LRP1B: variants seen among roughly 807,000 people sequenced by gnomAD.
The protein encoded by LRP1B is LDL receptor related protein 1B, also known as low-density lipoprotein receptor-related protein 1B.
A neutral mutation model predicts 556.6 loss-of-function variants in LRP1B; 217 were observed. That is an observed-to-expected ratio of 0.39 (90% CI 0.35 to 0.44). The LOEUF (loss-of-function observed/expected upper bound fraction) is 0.44. LRP1B is among the 20% of genes least tolerant of loss of function. The probability of loss-of-function intolerance (pLI) is 1.00; values close to 1 mark genes in which losing one functional copy is unlikely to be tolerated. For synonymous variants in LRP1B, 2,047 were observed against 1,865.8 expected (o/e 1.10, Z -2.50); for missense variants, 5,053 against 5,620.8 (o/e 0.90, Z 3.23).
At chr2:140,548,812 C>A (rs1680440707) in intron 43 of LRP1B, among the ~76,000 whole-genome samples, 1 of 152,006 alleles carries the variant, frequency 6.6e-6, no homozygotes, top group African/African-American at 2.4e-5. Flanking sequence ...GTAATCCCAG[C>A]TACTCAGGAG....
chr2:140,958,128 A>G (rs1695928617), intron 18 of LRP1B, among the ~76,000 whole-genome samples: 1 of 151,550 alleles, frequency 6.6e-6, no homozygotes, highest in Non-Finnish European at 1.5e-5. Flanking sequence ...AAAAAATTAA[A>G]CTTACCAATA....
intron 18 of LRP1B, among the ~76,000 whole-genome samples, chr2:140,976,851 C>T (rs1192833072): frequency 6.6e-6 from 1 of 151,948 alleles, no homozygotes; most frequent in African/African-American, 2.4e-5. Flanking sequence ...TAGGTAATTT[C>T]CAAAGTTGAA....
intron 32 of LRP1B, 95 bp downstream of exon 32, chr2:140,813,562 A>T (rs1024333682): frequency 9.8e-7 from 1 of 1,016,780 alleles, no homozygotes; most frequent in Non-Finnish European, 1.5e-6. Flanking sequence ...TTCTGGTGTT[A>T]GTGGAGCAGT....
At chr2:142,058,658 C>T (rs1450723474) in intron 1 of LRP1B, among the ~76,000 whole-genome samples, 1 of 151,978 alleles carries the variant, frequency 6.6e-6, no homozygotes, top group African/African-American at 2.4e-5. Flanking sequence ...GATTGGACAC[C>T]CCTGCTTTAG....
intron 86 of LRP1B, among the ~76,000 whole-genome samples, chr2:140,253,415 A>T (rs1383683003): frequency 2.6e-5 from 4 of 152,114 alleles, no homozygotes; most frequent in Non-Finnish European, 4.4e-5. Context: ...TAAAATTAAT[A>T]AAATGGATTA....
At chr2:141,983,852 G>A (rs933724004) in intron 1 of LRP1B, among the ~76,000 whole-genome samples, 1 of 152,176 alleles carries the variant, frequency 6.6e-6, no homozygotes, top group African/African-American at 2.4e-5. Context: ...CCTGAGGTCA[G>A]GAGTTCGACA....
Position 141,321,402 on chromosome 2 carries a change from A to G in LRP1B, c.344-66761T>C, listed in dbSNP as rs563110186. ...ATTTTATAGTTTTGAATTTTGCTAT[A>G]CTGACTTAATGGTCATACTCCATAA... On this transcript the variant is annotated intron_variant, in intron 3 of 90. Coordinates refer to ENST00000389484, the MANE Select transcript of LRP1B (RefSeq NM_018557.3). 5.3e-5 allele frequency among the ~76,000 whole-genome samples: 8 copies of G among 152,252 alleles called. No homozygotes were observed. In the East Asian group the frequency reaches 1.5e-3, roughly 29 times the overall value.
At chr2:141,232,185 C>G (rs920561833) in intron 5 of LRP1B, among the ~76,000 whole-genome samples, 3 of 152,162 alleles carry the variant, frequency 2.0e-5, no homozygotes, top group Non-Finnish European at 4.4e-5. Context: ...TTAGTCTCCC[C>G]TCTACTCCTA....
intron 85 of LRP1B, among the ~76,000 whole-genome samples, chr2:140,273,816 A>G (rs1385746999): frequency 3.3e-5 from 5 of 151,990 alleles, no homozygotes; most frequent in African/African-American, 9.7e-5. Context: ...TTTAGCCGCA[A>G]TGTTCTGTTT....
At chr2:140,572,868 T>G (rs568214337) in intron 43 of LRP1B, among the ~76,000 whole-genome samples, 1 of 148,642 alleles carries the variant, frequency 6.7e-6, no homozygotes, top group South Asian at 2.2e-4. Context: ...AACATGGAAG[T>G]TTGTAGGACA....
intron 7 of LRP1B, among the ~76,000 whole-genome samples, chr2:141,177,969 G>A (rs1680811018): frequency 6.6e-6 from 1 of 152,046 alleles, no homozygotes. Context: ...GGAGTGAAGT[G>A]CAAAGAAACA....
At chr2:141,619,214 T>C (rs922509233) in intron 2 of LRP1B, among the ~76,000 whole-genome samples, 2 of 152,336 alleles carry the variant, frequency 1.3e-5, no homozygotes, top group East Asian at 1.9e-4. Flanking sequence ...GGGCCTGATC[T>C]TGAGTAGGCA....
intron 1 of LRP1B, among the ~76,000 whole-genome samples, chr2:142,117,282 C>T (rs1202628511): frequency 6.6e-6 from 1 of 152,132 alleles, no homozygotes; most frequent in African/African-American, 2.4e-5. Flanking sequence ...CATCCACGTT[C>T]TCTCCCCCGA....
intron 20 of LRP1B, among the ~76,000 whole-genome samples, chr2:140,936,995 T>C (rs1695247996): frequency 6.6e-6 from 1 of 152,156 alleles, no homozygotes; most frequent in African/African-American, 2.4e-5. Flanking sequence ...AGCAGAGTTT[T>C]TGTAAGTTAT....
chr2:141,443,340 A>G (rs1296567183), intron 3 of LRP1B, among the ~76,000 whole-genome samples: 1 of 152,172 alleles, frequency 6.6e-6, no homozygotes, highest in Non-Finnish European at 1.5e-5. Context: ...GCACTTTGTC[A>G]GATGGATAGG....
At chr2:141,484,177 A>T (rs1256000416) in intron 2 of LRP1B, among the ~76,000 whole-genome samples, 1 of 147,764 alleles carries the variant, frequency 6.8e-6, no homozygotes, top group African/African-American at 2.5e-5. Context: ...AGCTTTCTAC[A>T]TATGGCTAGC....
intron 2 of LRP1B, among the ~76,000 whole-genome samples, chr2:141,647,481 T>C (rs555341121): frequency 6.6e-6 from 1 of 152,184 alleles, no homozygotes; most frequent in African/African-American, 2.4e-5. Flanking sequence ...TGAATTTGTT[T>C]ACAAACTTCA....
rs757579571 is a variant in LRP1B, at chr2:140,776,205, G to A, written c.5393C>T (p.Ala1798Val). ...KKLWWADQNLAQLGTCSKRDG... is the reference protein window; with the variant it reads ...KKLWWADQNLVQLGTCSKRDG... ...TCTTTTGCTGCAGGTTCCTAGCTGG[G>A]CTAAGTTTTGGTCTGCCCACCACAG... Residue 1798 changes from alanine to valine, a missense_variant, in exon 33 of 91, where the codon GCC becomes GTC. By Grantham distance (64) the Ala-to-Val change is moderately conservative. Coordinates refer to ENST00000389484, the MANE Select transcript of LRP1B (RefSeq NM_018557.3). The A allele has an allele frequency of 6.2e-7, 1 of 1,602,312 alleles. No individual in the cohort carries two copies. The highest frequency in any genetic ancestry group is 1.7e-5 in the Admixed American group (1 of 58,346).
chr2:140,566,106 G>A (rs900355097), intron 43 of LRP1B, among the ~76,000 whole-genome samples: 5 of 152,106 alleles, frequency 3.3e-5, no homozygotes, highest in African/African-American at 1.2e-4. Flanking sequence ...AGAGGTGAGT[G>A]GCCATGGCAC....
Sources: allele counts gnomAD v4.1 joint callset (sites outside exome capture counted in the v4.1 genomes callset), GRCh38; gene constraint gnomAD v4.1.1; transcripts MANE v1.5; gene names NCBI Gene and HGNC (gene_info 2026-07-23, HGNC 2026-07-21).